Variants in ATE1 observed in about 807,000 individuals in gnomAD.
ATE1 encodes the protein arginyltransferase 1, also known as arginyl-tRNA--protein transferase 1.
In ATE1, 36 loss-of-function variants were observed where a neutral mutation model predicts 70.5. The observed-to-expected ratio is 0.51, with a 90% CI of 0.39 to 0.67. The LOEUF is 0.67. ATE1 is among the 30% of genes least tolerant of loss of function. ATE1 has a pLI of 0.00. For missense variants in ATE1, 593 were observed against 629.5 expected (o/e 0.94, Z 0.62); for synonymous variants, 232 against 219.3 (o/e 1.06, Z -0.51).
intron 7 of ATE1, among the ~76,000 whole-genome samples, chr10:121,893,060 G>A (rs1460900655): frequency 6.6e-6 from 1 of 151,944 alleles, no homozygotes; most frequent in Non-Finnish European, 1.5e-5. Context: ...GACAGATCAC[G>A]AGGTCAGGAG....
chr10:121,905,053 ACT>A (rs1365825538), intron 5 of ATE1, among the ~76,000 whole-genome samples: 1 of 151,996 alleles, frequency 6.6e-6, no homozygotes, highest in Non-Finnish European at 1.5e-5. Flanking sequence ...GAGCACACAC[ACT>A]CTGTCTGACA....
intron 8 of ATE1, among the ~76,000 whole-genome samples, chr10:121,860,287 C>T (rs1448697152): frequency 6.6e-6 from 1 of 152,190 alleles, no homozygotes; most frequent in African/African-American, 2.4e-5. Context: ...CTAAGAAAGA[C>T]CAAAGCCTGA....
intron 10 of ATE1, among the ~76,000 whole-genome samples, chr10:121,821,338 C>T (rs979596132): frequency 6.6e-6 from 1 of 152,084 alleles, no homozygotes. Context: ...AAGGTGGACA[C>T]ATTAAAATTA....
intron 11 of ATE1, among the ~76,000 whole-genome samples, chr10:121,744,922 C>G (rs943741412): frequency 6.6e-6 from 1 of 152,108 alleles, no homozygotes. Context: ...GATTTTCAAC[C>G]TTTCCTTCAT....
At chr10:121,913,735 G>A (rs1951534372) in intron 4 of ATE1, 55 bp downstream of exon 4, 1 of 1,241,050 alleles carries the variant, frequency 8.1e-7, no homozygotes, top group East Asian at 2.3e-5. Context: ...ATGACTGAAA[G>A]TGGGACCGTT....
intron 1 of ATE1, chr10:121,926,945 G>A (rs1952116703): frequency 1.0e-6 from 1 of 985,296 alleles, no homozygotes; most frequent in Admixed American, 6.2e-5. Flanking sequence ...CACTTTTAAT[G>A]AAGGAGCAAA....
At chr10:121,795,586 C>T (rs937774176) in intron 10 of ATE1, among the ~76,000 whole-genome samples, 2 of 152,198 alleles carry the variant, frequency 1.3e-5, no homozygotes, top group East Asian at 1.9e-4. Context: ...ATTTTAACTT[C>T]TGCTCATCAT....
chr10:121,897,692 G>A (rs1351062078), intron 7 of ATE1, among the ~76,000 whole-genome samples: 2 of 152,078 alleles, frequency 1.3e-5, no homozygotes, highest in Non-Finnish European at 2.9e-5. Context: ...CGGCTGTGGT[G>A]GCACGCGCCT....
At chr10:121,895,661 A>G (rs1488914771) in intron 7 of ATE1, among the ~76,000 whole-genome samples, 6 of 151,792 alleles carry the variant, frequency 4.0e-5, no homozygotes, top group Admixed American at 2.6e-4. Context: ...AAAATGTAGT[A>G]TATCAGCCAG....
intron 6 of ATE1, among the ~76,000 whole-genome samples, chr10:121,901,498 G>A (rs1034101895): frequency 5.3e-5 from 8 of 151,960 alleles, no homozygotes; most frequent in Non-Finnish European, 1.0e-4. Context: ...GCTCTGTCAC[G>A]CAGGCTGGAG....
chr10:121,773,157 AATGGAATCCATTTGTT>A (rs1215315141), intron 11 of ATE1, among the ~76,000 whole-genome samples: 3 of 152,158 alleles, frequency 2.0e-5, no homozygotes, highest in African/African-American at 7.2e-5. Flanking sequence ...ATTTACTTAT[AATGGAATCCATTTGTT>A]ATCTGCTGAT....
chr10:121,873,583 C>CT (rs1324218838), intron 7 of ATE1, among the ~76,000 whole-genome samples: 4 of 150,866 alleles, frequency 2.7e-5, no homozygotes, highest in Non-Finnish European at 5.9e-5. Flanking sequence ...TCAGTAAGTT[C>CT]TTTTTCTAAG....
rs760223886 is a variant in ATE1, at chr10:121,913,927, C to T, written c.234-34G>A. 7 of 1,521,146 alleles carry T rather than the reference C, an allele frequency of 4.6e-6. No individual in the cohort carries two copies. In the Admixed American group the frequency reaches 7.1e-5, roughly 15 times the overall value. The allele number at this position is 1,521,146 out of a possible 1,614,324, so 94.2% of individuals were successfully genotyped here. On this transcript the variant is annotated intron_variant, in intron 3 of 11. Coordinates refer to ENST00000224652, the MANE Select transcript of ATE1 (RefSeq NM_001001976.3). ...GCAAAATAAATATTTAAAAAGTGAA[C>T]TCAAACCTTGAAGAAATGAAATCAG... is the stretch of plus-strand genomic sequence containing the variant.
intron 10 of ATE1, among the ~76,000 whole-genome samples, chr10:121,794,884 G>A (rs190125227): frequency 1.1e-4 from 16 of 152,024 alleles, no homozygotes; most frequent in South Asian, 2.1e-4. Flanking sequence ...CATAAACCTT[G>A]CGGATACGCA....
intron 7 of ATE1, chr10:121,899,048 G>C: frequency 6.6e-7 from 1 of 1,505,108 alleles, no homozygotes; most frequent in Non-Finnish European, 9.0e-7. Flanking sequence ...GCTACAGTAA[G>C]ATCTCCACAA....
intron 10 of ATE1, among the ~76,000 whole-genome samples, chr10:121,829,967 T>C (rs1462091037): frequency 1.3e-5 from 2 of 152,200 alleles, no homozygotes; most frequent in Non-Finnish European, 2.9e-5. Context: ...TAGTGTGCAA[T>C]TCATTTTCTG....
chr10:121,904,037 T>C (rs182015232), intron 5 of ATE1, among the ~76,000 whole-genome samples: 6 of 151,340 alleles, frequency 4.0e-5, no homozygotes, highest in Non-Finnish European at 8.8e-5. Flanking sequence ...TGGAGTGCAG[T>C]GGCGCCATCT....
At chr10:121,862,277 G>A (rs1949500250) in intron 8 of ATE1, among the ~76,000 whole-genome samples, 2 of 152,152 alleles carry the variant, frequency 1.3e-5, no homozygotes, top group South Asian at 4.1e-4. Flanking sequence ...TTGAGTAACA[G>A]CCATTCCTTC....
intron 9 of ATE1, among the ~76,000 whole-genome samples, chr10:121,838,565 C>T (rs1948515559): frequency 6.6e-6 from 1 of 152,152 alleles, no homozygotes; most frequent in South Asian, 2.1e-4. Flanking sequence ...GTCACCTGTT[C>T]TCTACGAGGA....
Sources: gnomAD v4.1 joint callset for allele counts (sites outside exome capture counted in the v4.1 genomes callset) on GRCh38, gnomAD v4.1.1 for gene constraint, MANE v1.5 for transcripts, NCBI Gene and HGNC (gene_info 2026-07-23, HGNC 2026-07-21) for gene names.